The following BMPR1A variants were observed in gnomAD, a reference collection of about 807,000 sequenced individuals.
The protein encoded by BMPR1A is bone morphogenetic protein receptor type-1A.
BMPR1A carries 7 observed loss-of-function variants against 66.0 expected under a neutral mutation model. That is an observed-to-expected ratio of 0.11 (90% CI 0.06 to 0.20). BMPR1A has a LOEUF of 0.20. Ranked by LOEUF, BMPR1A falls within the 10% of genes least tolerant of loss-of-function variation. The pLI, the probability that BMPR1A is intolerant of heterozygous loss-of-function variation, is 1.00. For missense variants in BMPR1A, 408 were observed against 669.1 expected (o/e 0.61, Z 4.31); for synonymous variants, 200 against 229.7 (o/e 0.87, Z 1.17).
intron 5 of BMPR1A, among the ~76,000 whole-genome samples, chr10:86,898,238 G>A (rs897942909): frequency 6.8e-5 from 10 of 148,124 alleles, no homozygotes; most frequent in Admixed American, 2.0e-4. Context: ...GAAAAGGGAC[G>A]TATATAACAC....
intron 3 of BMPR1A, among the ~76,000 whole-genome samples, chr10:86,885,227 T>C (rs2133372092): frequency 6.6e-6 from 1 of 152,346 alleles, no homozygotes; most frequent in African/African-American, 2.4e-5. Context: ...TTTTAAGTGA[T>C]TGAAGAAAAA....
At chr10:86,905,927 C>T (rs551586654) in intron 7 of BMPR1A, among the ~76,000 whole-genome samples, 2 of 152,040 alleles carry the variant, frequency 1.3e-5, no homozygotes, top group East Asian at 3.9e-4. Context: ...AGAAAAAATG[C>T]CCTATATGTA....
At chr10:86,791,215 CTTTT>C (rs33919307) in intron 1 of BMPR1A, among the ~76,000 whole-genome samples, 5 of 141,826 alleles carry the variant, frequency 3.5e-5, no homozygotes, top group Admixed American at 7.0e-5. Context: ...TCAGTGCTTG[CTTTT>C]TTTTTTTTTT....
intron 7 of BMPR1A, among the ~76,000 whole-genome samples, chr10:86,901,741 T>C (rs1187612373): frequency 6.6e-6 from 1 of 152,174 alleles, no homozygotes; most frequent in East Asian, 1.9e-4. Context: ...AATAACTGAA[T>C]CTTTGCCAGT....
At chr10:86,884,322 G>A (rs1015196397) in intron 3 of BMPR1A, among the ~76,000 whole-genome samples, 2 of 147,616 alleles carry the variant, frequency 1.4e-5, no homozygotes, top group Non-Finnish European at 3.0e-5. Flanking sequence ...CTGAGCTCAA[G>A]CATCCTACCT....
intron 1 of BMPR1A, 94 bp from the exon 2 acceptor site, chr10:86,838,771 T>C (rs377262121): frequency 2.6e-5 from 4 of 152,200 alleles, no homozygotes; most frequent in African/African-American, 7.2e-5. Flanking sequence ...AAATGTATAG[T>C]TGTACATGCG....
chr10:86,800,956 A>G (rs1564689291), intron 1 of BMPR1A, among the ~76,000 whole-genome samples: 1 of 152,198 alleles, frequency 6.6e-6, no homozygotes, highest in African/African-American at 2.4e-5. Flanking sequence ...TATGATGAGA[A>G]ACTTCCTAAG....
At chr10:86,821,782 C>A (rs1401505865) in intron 1 of BMPR1A, among the ~76,000 whole-genome samples, 1 of 151,748 alleles carries the variant, frequency 6.6e-6, no homozygotes, top group African/African-American at 2.4e-5. Context: ...TTTTTTCTCC[C>A]CCCTCCCCCT....
chr10:86,839,373 A>T (rs1274265629), intron 2 of BMPR1A, among the ~76,000 whole-genome samples: 1 of 152,094 alleles, frequency 6.6e-6, no homozygotes, highest in Non-Finnish European at 1.5e-5. Flanking sequence ...CAGGTGGGTC[A>T]CATGAGGCCA....
chr10:86,819,097 G>C (rs954536113), intron 1 of BMPR1A, among the ~76,000 whole-genome samples: 1 of 152,034 alleles, frequency 6.6e-6, no homozygotes, highest in African/African-American at 2.4e-5. Context: ...TCTTACCTCT[G>C]TATCTTATAT....
At position 86,920,259 on chromosome 10, in the gene BMPR1A, A is replaced by G. The variant is rs1305870523; in HGVS notation, c.1166+790A>G. The stretch of plus-strand genomic sequence containing the variant: ...CTGCTGAGGCAGTGAGTTTATACAT[A>G]TTAAACTATGGTATGTTGCATATTA... On this transcript the variant is annotated intron_variant, in intron 10 of 12. Coordinates refer to ENST00000372037, the MANE Select transcript of BMPR1A (RefSeq NM_004329.3). Among the ~76,000 whole-genome samples, 4 of 152,324 alleles carry G rather than the reference A, an allele frequency of 2.6e-5. No individual in the cohort carries two copies. The East Asian group carries it at 7.7e-4, about 29-fold the overall frequency.
intron 2 of BMPR1A, among the ~76,000 whole-genome samples, chr10:86,863,962 G>A (rs1937224272): frequency 6.6e-6 from 1 of 152,062 alleles, no homozygotes; most frequent in Non-Finnish European, 1.5e-5. Context: ...GGTGGGAAGG[G>A]AAAAAAAGTA....
chr10:86,834,242 T>C (rs1432330099), intron 1 of BMPR1A, among the ~76,000 whole-genome samples: 2 of 152,246 alleles, frequency 1.3e-5, no homozygotes, highest in African/African-American at 4.8e-5. Context: ...AGTATTTTTT[T>C]CTGTTATCTC....
At chr10:86,891,766 CAA>C (rs1466015637) in intron 4 of BMPR1A, among the ~76,000 whole-genome samples, 3 of 152,044 alleles carry the variant, frequency 2.0e-5, no homozygotes, top group African/African-American at 7.2e-5. Flanking sequence ...TAAAAAGAGA[CAA>C]AGTTATTTTA....
intron 2 of BMPR1A, among the ~76,000 whole-genome samples, chr10:86,873,916 A>G (rs961312446): frequency 6.6e-6 from 1 of 152,256 alleles, no homozygotes; most frequent in Non-Finnish European, 1.5e-5. Context: ...TAAGCTACAT[A>G]TAACATACAC....
intron 1 of BMPR1A, among the ~76,000 whole-genome samples, chr10:86,762,135 A>G (rs994365112): frequency 1.3e-5 from 2 of 152,230 alleles, no homozygotes; most frequent in Non-Finnish European, 2.9e-5. Context: ...ATGATATTGA[A>G]AGGTCTAGAA....
At chr10:86,882,407 A>G (rs1241867691) in intron 3 of BMPR1A, among the ~76,000 whole-genome samples, 1 of 151,670 alleles carries the variant, frequency 6.6e-6, no homozygotes, top group Non-Finnish European at 1.5e-5. Flanking sequence ...TGGGCAACAG[A>G]GTGAGACCCT....
chr10:86,757,113 G>A (rs546466466), intron 1 of BMPR1A, among the ~76,000 whole-genome samples, 194 bp downstream of exon 1: 1 of 151,740 alleles, frequency 6.6e-6, no homozygotes, highest in South Asian at 2.1e-4. Context: ...ACGGCACCCC[G>A]CGCCGCGTCC....
chr10:86,826,360 A>G (rs74153412), intron 1 of BMPR1A, among the ~76,000 whole-genome samples: 12,375 of 151,974 alleles, frequency 0.081, 608 homozygotes, highest in African/African-American at 0.093. Flanking sequence ...ATATATCTAT[A>G]TCTATAGAGA....
Sources: gnomAD v4.1 joint callset for allele counts (sites outside exome capture counted in the v4.1 genomes callset) on GRCh38, gnomAD v4.1.1 for gene constraint, MANE v1.5 for transcripts, NCBI Gene and HGNC (gene_info 2026-07-23, HGNC 2026-07-21) for gene names.